The following SLX4IP variants were observed in gnomAD, a reference collection of about 807,000 sequenced individuals.
SLX4IP encodes SLX4 interacting protein, also known as protein SLX4IP.
SLX4IP carries 34 observed loss-of-function variants against 32.9 expected under a neutral mutation model. That is an observed-to-expected ratio of 1.03 (90% CI 0.79 to 1.38). The LOEUF is 1.38. Among genes scored for constraint, SLX4IP ranks in the 40% most tolerant of loss-of-function variants. The probability of loss-of-function intolerance (pLI) is 0.00; values close to 1 mark genes in which losing one functional copy is unlikely to be tolerated. For synonymous variants in SLX4IP, 172 were observed against 171.7 expected (o/e 1.00, Z -0.01); for missense variants, 444 against 479.0 (o/e 0.93, Z 0.68).
intron 2 of SLX4IP, among the ~76,000 whole-genome samples, chr20:10,490,705 T>G (rs1263917981): frequency 6.6e-6 from 1 of 152,206 alleles, no homozygotes; most frequent in African/African-American, 2.4e-5. Context: ...AAAGATTTGG[T>G]AGGTCTGCAG....
At chr20:10,499,068 CTA>C (rs2122410203) in intron 2 of SLX4IP, among the ~76,000 whole-genome samples, 1 of 152,202 alleles carries the variant, frequency 6.6e-6, no homozygotes, top group Non-Finnish European at 1.5e-5. Flanking sequence ...ATTATCTTAA[CTA>C]TATGTGTGAA....
intron 2 of SLX4IP, among the ~76,000 whole-genome samples, chr20:10,474,092 G>A (rs1451858126): frequency 6.6e-6 from 1 of 152,170 alleles, no homozygotes; most frequent in African/African-American, 2.4e-5. Context: ...CAAAGTGCTG[G>A]GATTACAGGC....
chr20:10,626,574 G>GC lies in SLX4IP; in HGVS notation c.*3195_*3196insC, dbSNP rs2067176090. 1 of 152,108 alleles carries GC rather than the reference G, an allele frequency of 6.6e-6. No individual in the cohort carries two copies. Among genetic ancestry groups the GC allele is most frequent in the South Asian group, 2.1e-4 (1 of 4,828 alleles). 9.4% of individuals were successfully genotyped at this position (152,108 alleles called of 1,614,324 possible). A position where few individuals can be genotyped will look rare whatever the true frequency, so the allele number is the denominator to read the frequency against. On this transcript the variant is annotated 3_prime_UTR_variant, in exon 8 of 8. Coordinates refer to ENST00000334534, the MANE Select transcript of SLX4IP (RefSeq NM_001009608.3). ...AAGCCACTTCCATGTGCTTTCAGAT[G>GC]GCATCTTAATAGATTGGTGTTGAGG...
At chr20:10,530,204 G>A (rs138882711) in intron 2 of SLX4IP, among the ~76,000 whole-genome samples, 169 of 152,306 alleles carry the variant, frequency 1.1e-3, no homozygotes, top group African/African-American at 3.7e-3. Context: ...CGTACTGGTT[G>A]GAGATTTGAA....
chr20:10,615,522 T>G (rs2067015715), intron 6 of SLX4IP, among the ~76,000 whole-genome samples: 1 of 152,150 alleles, frequency 6.6e-6, no homozygotes, highest in Non-Finnish European at 1.5e-5. Context: ...CTCTGAGGAC[T>G]TTGTGTCTGC....
chr20:10,541,742 A>T (rs1370175590), intron 2 of SLX4IP, among the ~76,000 whole-genome samples: 1 of 152,170 alleles, frequency 6.6e-6, no homozygotes, highest in South Asian at 2.1e-4. Context: ...TCAATTAGTT[A>T]ATTCCTGTTT....
Position 10,626,770 on chromosome 20 carries a change from T to C in SLX4IP, c.*3391T>C, listed in dbSNP as rs1347156038. On this transcript the variant is annotated 3_prime_UTR_variant, in exon 8 of 8. Transcript: ENST00000334534. The stretch of plus-strand genomic sequence containing the variant: ...TAGGGGAGTAAGTGCTGTAGTTCTT[T>C]TGTTCACTTATTTTAATACTATAGA... 1 of 152,212 alleles carries C rather than the reference T, an allele frequency of 6.6e-6. No individual in the cohort carries two copies. Among genetic ancestry groups the C allele is most frequent in the Non-Finnish European group, 1.5e-5 (1 of 68,032 alleles). The allele number at this position is 152,212 out of a possible 1,614,324, so 9.4% of individuals were successfully genotyped here. A position where few individuals can be genotyped will look rare whatever the true frequency, so the allele number is the denominator to read the frequency against.
chr20:10,436,420 G>A (rs776419106), intron 1 of SLX4IP, among the ~76,000 whole-genome samples: 3 of 151,824 alleles, frequency 2.0e-5, no homozygotes, highest in South Asian at 4.2e-4. Context: ...GCAGTGGCGC[G>A]ATCTTGGCTC....
chr20:10,580,397 T>C (rs2066570790), intron 4 of SLX4IP, among the ~76,000 whole-genome samples: 1 of 151,952 alleles, frequency 6.6e-6, no homozygotes, highest in African/African-American at 2.4e-5. Flanking sequence ...CCCAGCAGAA[T>C]GCTCCTGATG....
intron 1 of SLX4IP, among the ~76,000 whole-genome samples, chr20:10,437,072 C>T (rs555988029): frequency 1.2e-3 from 182 of 152,122 alleles, no homozygotes; most frequent in Non-Finnish European, 2.2e-3. Context: ...CCTTGGTTTA[C>T]CAAAGCTTTT....
At chr20:10,530,035 G>C (rs2065975018) in intron 2 of SLX4IP, among the ~76,000 whole-genome samples, 1 of 152,192 alleles carries the variant, frequency 6.6e-6, no homozygotes, top group East Asian at 1.9e-4. Context: ...CTCAGACACA[G>C]AGAATGGTGG....
At position 10,613,574 on chromosome 20, in the gene SLX4IP, G is replaced by C. The variant is rs2066992730; in HGVS notation, c.406-7740G>C. 3 of 1,612,598 alleles carry C rather than the reference G, an allele frequency of 1.9e-6. No individual in the cohort carries two copies. The African/African-American group carries it at 4.0e-5, about 22-fold the overall frequency. ...GTCTGCTCTGAATGGCTGCCTTCAG[G>C]CTATCCACGCCTTCATCAAGCCCCA... On this transcript the variant is annotated intron_variant, in intron 6 of 7. Transcript: ENST00000334534.
intron 4 of SLX4IP, among the ~76,000 whole-genome samples, chr20:10,561,545 C>CTT (rs749781715): frequency 0.092 from 12,787 of 139,026 alleles, 738 homozygotes; most frequent in African/African-American, 0.17. Flanking sequence ...TTTCTTTTTT[C>CTT]TTTTTTTTTT....
At chr20:10,559,751 T>C (rs2066309928) in intron 3 of SLX4IP, among the ~76,000 whole-genome samples, 1 of 152,210 alleles carries the variant, frequency 6.6e-6, no homozygotes, top group African/African-American at 2.4e-5. Context: ...AACTTACTAG[T>C]GATAAGGAAT....
chr20:10,580,375 C>A (rs528298487), intron 4 of SLX4IP, among the ~76,000 whole-genome samples: 2 of 152,018 alleles, frequency 1.3e-5, no homozygotes, highest in Non-Finnish European at 2.9e-5. Flanking sequence ...GCAGTGCCCT[C>A]CGCTTCTCAG....
intron 4 of SLX4IP, among the ~76,000 whole-genome samples, chr20:10,597,140 A>T (rs1946086818): frequency 2.6e-5 from 4 of 152,190 alleles, no homozygotes; most frequent in Non-Finnish European, 4.4e-5. Flanking sequence ...ATGAAAGTGG[A>T]AACTTCTTTA....
intron 2 of SLX4IP, among the ~76,000 whole-genome samples, chr20:10,517,401 T>C (rs984182327): frequency 6.6e-6 from 1 of 152,210 alleles, no homozygotes; most frequent in Non-Finnish European, 1.5e-5. Flanking sequence ...CAGAGTGTTC[T>C]AACAGAAGTG....
chr20:10,587,198 A>G (rs1280192829), intron 4 of SLX4IP, among the ~76,000 whole-genome samples: 2 of 152,188 alleles, frequency 1.3e-5, no homozygotes, highest in East Asian at 3.8e-4. Flanking sequence ...GATATCATAC[A>G]AAGTTGGCTC....
At chr20:10,620,334 T>G (rs2067093298) in intron 6 of SLX4IP, among the ~76,000 whole-genome samples, 1 of 152,152 alleles carries the variant, frequency 6.6e-6, no homozygotes, top group South Asian at 2.1e-4. Flanking sequence ...GTTGGCAAGG[T>G]AGGTAGGCTT....
Sources: gnomAD v4.1 joint callset for allele counts (sites outside exome capture counted in the v4.1 genomes callset) on GRCh38, gnomAD v4.1.1 for gene constraint, MANE v1.5 for transcripts, NCBI Gene and HGNC (gene_info 2026-07-23, HGNC 2026-07-21) for gene names.